Variants in CTNNA2 observed in about 807,000 individuals in gnomAD.
CTNNA2 encodes catenin alpha-2.
Under a neutral mutation model 101.0 loss-of-function variants are expected in CTNNA2, and 42 were observed. The observed-to-expected ratio is 0.42, with a 90% CI of 0.32 to 0.54. CTNNA2 has a LOEUF of 0.54. Among genes scored for constraint, CTNNA2 ranks in the 20% least tolerant of loss-of-function variants. The pLI is 0.14. For missense variants in CTNNA2, 871 were observed against 1,223.1 expected (o/e 0.71, Z 4.29); for synonymous variants, 450 against 456.4 (o/e 0.99, Z 0.18).
chr2:79,699,964 A>G (rs1684897248), intron 2 of CTNNA2, among the ~76,000 whole-genome samples: 1 of 149,312 alleles, frequency 6.7e-6, no homozygotes, highest in Non-Finnish European at 1.5e-5. Flanking sequence ...TTTATATATA[A>G]TATAATGCAT....
chr2:80,005,495 G>A (rs532080997), intron 7 of CTNNA2, among the ~76,000 whole-genome samples: 7 of 152,110 alleles, frequency 4.6e-5, no homozygotes, highest in East Asian at 1.9e-4. Flanking sequence ...ACTAACATTC[G>A]CTGTTCTTCA....
intron 2 of CTNNA2, among the ~76,000 whole-genome samples, chr2:79,681,495 G>A (rs1388550490): frequency 1.3e-5 from 2 of 152,094 alleles, no homozygotes; most frequent in South Asian, 4.1e-4. Flanking sequence ...GGTAGTAATA[G>A]TATACACACT....
chr2:79,681,567 C>G (rs1040254315), intron 2 of CTNNA2, among the ~76,000 whole-genome samples: 2 of 152,154 alleles, frequency 1.3e-5, no homozygotes, highest in Non-Finnish European at 2.9e-5. Flanking sequence ...GATCAATGTC[C>G]ACAAGTGTTA....
intron 13 of CTNNA2, among the ~76,000 whole-genome samples, chr2:80,577,258 C>A (rs939684261): frequency 2.0e-5 from 3 of 152,024 alleles, no homozygotes; most frequent in Non-Finnish European, 2.9e-5. Context: ...TAATGTCAAA[C>A]ATTATGCCAC....
At chr2:80,085,145 C>G (rs1291201122) in intron 7 of CTNNA2, among the ~76,000 whole-genome samples, 4 of 152,020 alleles carry the variant, frequency 2.6e-5, no homozygotes, top group Non-Finnish European at 5.9e-5. Context: ...TTTCAAATTT[C>G]AAAGTTTTGA....
intron 2 of CTNNA2, among the ~76,000 whole-genome samples, chr2:79,683,545 G>A (rs886400228): frequency 1.3e-5 from 2 of 152,178 alleles, no homozygotes; most frequent in African/African-American, 4.8e-5. Flanking sequence ...TCAGGGAAGA[G>A]TATGTGATGT....
At chr2:79,916,280 G>T (rs1686196498) in intron 7 of CTNNA2, among the ~76,000 whole-genome samples, 1 of 152,110 alleles carries the variant, frequency 6.6e-6, no homozygotes. Context: ...ATTAAGAGCT[G>T]CCTAATGAGA....
chr2:80,353,390 G>A (rs890603875), intron 7 of CTNNA2, among the ~76,000 whole-genome samples: 3 of 152,112 alleles, frequency 2.0e-5, no homozygotes, highest in Admixed American at 1.3e-4. Context: ...ATTGTCTTCT[G>A]TTGTCAAATA....
intron 7 of CTNNA2, among the ~76,000 whole-genome samples, chr2:79,930,650 A>G (rs72918685): frequency 0.023 from 3,539 of 152,284 alleles, 135 homozygotes; most frequent in African/African-American, 0.081. Flanking sequence ...ATTCTGGGCA[A>G]GTTTTCTCCA....
rs115230439 is a variant in CTNNA2, at chr2:79,396,571, C to T, written c.-135+22558C>T. Among the ~76,000 whole-genome samples the T allele has an allele frequency of 6.5e-3, 989 of 152,196 alleles. 4 individuals carry two copies. Among genetic ancestry groups the T allele is most frequent in the African/African-American group, 0.023 (944 of 41,524 alleles). ...GATTAGGTTCGACTGTCTTCCAACC[C>T]AATCCATAACTATAAAATTTCACTT... On this transcript the variant is annotated intron_variant, in intron 4 of 21. Coordinates refer to the CTNNA2 transcript ENST00000466387.
intron 4 of CTNNA2, among the ~76,000 whole-genome samples, chr2:79,444,819 T>G (rs755513379): frequency 1.3e-5 from 2 of 152,162 alleles, no homozygotes. Flanking sequence ...TATTCATGAT[T>G]AAAGTTATGT....
At chr2:80,246,003 C>G (rs566691741) in intron 7 of CTNNA2, among the ~76,000 whole-genome samples, 69 of 151,908 alleles carry the variant, frequency 4.5e-4, no homozygotes, top group African/African-American at 1.5e-3. Context: ...ACCGTGTTAG[C>G]CAGGACGGTC....
At chr2:80,533,596 C>G (rs944861703) in intron 9 of CTNNA2, among the ~76,000 whole-genome samples, 1 of 152,114 alleles carries the variant, frequency 6.6e-6, no homozygotes. Flanking sequence ...TGTCAAGCAC[C>G]GGATGGTTCA....
chr2:79,748,976 G>C (rs1301053701), intron 3 of CTNNA2, among the ~76,000 whole-genome samples: 1 of 152,094 alleles, frequency 6.6e-6, no homozygotes, highest in South Asian at 2.1e-4. Flanking sequence ...GAGTTTTACT[G>C]GGGGGCTTAC....
chr2:80,120,974 A>G (rs1010028342), intron 7 of CTNNA2, among the ~76,000 whole-genome samples: 3 of 152,222 alleles, frequency 2.0e-5, no homozygotes, highest in African/African-American at 7.2e-5. Context: ...GATTTTTTCC[A>G]CATGGTACAA....
chr2:79,514,364 C>T (rs1263932299), intron 1 of CTNNA2, among the ~76,000 whole-genome samples: 2 of 152,168 alleles, frequency 1.3e-5, no homozygotes, highest in Non-Finnish European at 2.9e-5. Context: ...CATTTTCACC[C>T]ACCTCGTAGG....
intron 1 of CTNNA2, among the ~76,000 whole-genome samples, chr2:79,575,126 A>G (rs1675708122): frequency 6.6e-6 from 1 of 152,100 alleles, no homozygotes; most frequent in Admixed American, 6.6e-5. Flanking sequence ...AATGTTGTAC[A>G]TGAATGCTGT....
At chr2:79,696,105 TG>T (rs1483818888) in intron 2 of CTNNA2, among the ~76,000 whole-genome samples, 3 of 151,832 alleles carry the variant, frequency 2.0e-5, no homozygotes, top group African/African-American at 7.3e-5. Context: ...GGAATGGAAG[TG>T]GGTAGGCATT....
chr2:80,344,569 C>T (rs1376925982), intron 7 of CTNNA2, among the ~76,000 whole-genome samples: 4 of 152,146 alleles, frequency 2.6e-5, no homozygotes, highest in East Asian at 1.9e-4. Context: ...ACTGAAGCCT[C>T]GATCTCCCAG....
Sources: allele counts gnomAD v4.1 joint callset (sites outside exome capture counted in the v4.1 genomes callset), GRCh38; gene constraint gnomAD v4.1.1; transcripts MANE v1.5; gene names NCBI Gene and HGNC (gene_info 2026-07-23, HGNC 2026-07-21).